Variants in IMMP2L observed in about 807,000 individuals in gnomAD.
The protein encoded by IMMP2L is inner mitochondrial membrane peptidase subunit 2.
A neutral mutation model predicts 19.3 loss-of-function variants in IMMP2L; 18 were observed. The observed-to-expected ratio is 0.93, with a 90% confidence interval of 0.64 to 1.38. The LOEUF is 1.38. Ranked by LOEUF, IMMP2L falls within the 40% of genes most tolerant of loss-of-function variation. IMMP2L has a pLI of 0.00. For missense variants in IMMP2L, 233 were observed against 218.2 expected (o/e 1.07, Z -0.43); for synonymous variants, 76 against 73.0 (o/e 1.04, Z -0.21).
intron 4 of IMMP2L, among the ~76,000 whole-genome samples, chr7:110,893,983 A>C (rs546752382): frequency 2.7e-4 from 41 of 152,096 alleles, no homozygotes; most frequent in African/African-American, 9.6e-4. Context: ...AGTCCCAGAG[A>C]CCCTACCTTG....
Position 111,308,663 on chromosome 7 carries a change from GA to G in IMMP2L, c.239+178574del, listed in dbSNP as rs545772516. Among the ~76,000 whole-genome samples, 51 of 151,094 alleles carry G rather than the reference GA, an allele frequency of 3.4e-4. 1 individual carries two copies. Among genetic ancestry groups the G allele is most frequent in the Middle Eastern group, 6.8e-3 (2 of 292 alleles). ...AAAGAAAATTACATGGAACAAATGA[GA>G]AAAAAAAGTACCTTTGTCATAAACT... On this transcript the variant is annotated intron_variant, in intron 3 of 5. Coordinates refer to ENST00000405709, the MANE Select transcript of IMMP2L (RefSeq NM_032549.4).
At chr7:111,241,975 T>C (rs966894110) in intron 3 of IMMP2L, among the ~76,000 whole-genome samples, 3 of 152,060 alleles carry the variant, frequency 2.0e-5, no homozygotes, top group Admixed American at 6.6e-5. Flanking sequence ...AAAATATGAT[T>C]CACCTGACCC....
chr7:111,539,250 G>GAA lies in IMMP2L; in HGVS notation c.-2-17803_-2-17802dup, dbSNP rs1421418108. ...AGAAAGAAAGAAAGAAAGAAAGAAA[G>GAA]AAAGAAAGAAAGAAAGAAAGAGAAC... On this transcript the variant is annotated intron_variant, in intron 1 of 5. Coordinates refer to ENST00000405709, the MANE Select transcript of IMMP2L (RefSeq NM_032549.4). 4.5e-4 allele frequency among the ~76,000 whole-genome samples: 65 copies of GAA among 143,746 alleles called. 2 individuals are homozygous for GAA. The highest frequency in any genetic ancestry group is 1.1e-3 in the African/African-American group (44 of 38,354). The allele number at this position is 143,746 out of a possible 152,430, so 94.3% of individuals were successfully genotyped here.
At chr7:111,091,501 C>G (rs187746779) in intron 3 of IMMP2L, 1 of 152,276 alleles carries the variant, frequency 6.6e-6, no homozygotes, top group Admixed American at 6.5e-5. Flanking sequence ...AACTGCTTTT[C>G]AAGGTAAGTT....
At chr7:111,465,468 G>A (rs1342166965) in intron 3 of IMMP2L, among the ~76,000 whole-genome samples, 1 of 148,450 alleles carries the variant, frequency 6.7e-6, no homozygotes, top group Non-Finnish European at 1.5e-5. Flanking sequence ...TTGGGGATGG[G>A]GAGGGGTAGT....
At chr7:111,468,153 A>C (rs1172811596) in intron 3 of IMMP2L, among the ~76,000 whole-genome samples, 1 of 152,126 alleles carries the variant, frequency 6.6e-6, no homozygotes, top group Non-Finnish European at 1.5e-5. Context: ...CAGGGGATCT[A>C]TTGTTTTCTT....
intron 1 of IMMP2L, among the ~76,000 whole-genome samples, chr7:111,550,661 A>G (rs1435795930): frequency 6.6e-6 from 1 of 152,174 alleles, no homozygotes; most frequent in African/African-American, 2.4e-5. Flanking sequence ...GGCAATCTTA[A>G]TCTTCTCCTA....
intron 3 of IMMP2L, among the ~76,000 whole-genome samples, chr7:111,146,247 GGGGAGGAAA>G (rs1208005590): frequency 6.7e-6 from 1 of 149,514 alleles, no homozygotes; most frequent in Admixed American, 6.7e-5. Flanking sequence ...GGGGGAGGGA[GGGGAGGAAA>G]GGGAGGAAGG....
intron 3 of IMMP2L, among the ~76,000 whole-genome samples, chr7:111,240,620 A>G (rs1814896576): frequency 6.6e-6 from 1 of 151,964 alleles, no homozygotes; most frequent in African/African-American, 2.4e-5. Context: ...TGTATCTACG[A>G]CAGTCCCATT....
At chr7:111,061,961 C>T (rs1012846431) in intron 3 of IMMP2L, among the ~76,000 whole-genome samples, 2 of 152,150 alleles carry the variant, frequency 1.3e-5, no homozygotes, top group Non-Finnish European at 2.9e-5. Flanking sequence ...AGTGCTCTCC[C>T]GCCACCACAA....
intron 1 of IMMP2L, among the ~76,000 whole-genome samples, chr7:111,541,194 C>T (rs560655836): frequency 3.3e-5 from 5 of 152,232 alleles, no homozygotes; most frequent in African/African-American, 9.6e-5. Context: ...ACTAAAATTA[C>T]TTATCTTCCA....
intron 3 of IMMP2L, among the ~76,000 whole-genome samples, chr7:111,214,331 CTTTTTTTT>C (rs1169450523): frequency 6.1e-5 from 5 of 82,194 alleles, no homozygotes; most frequent in Admixed American, 2.8e-4. Context: ...AATTTTTCTT[CTTTTTTTT>C]TTTTTTTTTT....
chr7:111,292,981 G>A (rs565566070), intron 3 of IMMP2L, among the ~76,000 whole-genome samples: 62 of 152,026 alleles, frequency 4.1e-4, no homozygotes, highest in African/African-American at 1.4e-3. Flanking sequence ...ATGAAAGGCT[G>A]GTCAAAATAA....
chr7:111,417,846 C>T (rs1835100797), intron 3 of IMMP2L, among the ~76,000 whole-genome samples: 1 of 151,796 alleles, frequency 6.6e-6, no homozygotes, highest in Admixed American at 6.6e-5. Context: ...ATGGGACTCA[C>T]AATGAAATAG....
At chr7:111,163,471 C>T (rs560870923) in intron 3 of IMMP2L, among the ~76,000 whole-genome samples, 1 of 152,066 alleles carries the variant, frequency 6.6e-6, no homozygotes, top group South Asian at 2.1e-4. Context: ...CTTTGTTTAT[C>T]CTTGACACTC....
At chr7:111,515,596 TC>T (rs35330489) in intron 2 of IMMP2L, among the ~76,000 whole-genome samples, 2 of 152,302 alleles carry the variant, frequency 1.3e-5, no homozygotes, top group African/African-American at 4.8e-5. Context: ...TTCCCTTGCT[TC>T]CCTGCAAGTT....
At chr7:111,264,457 AAT>A (rs1014689724) in intron 3 of IMMP2L, among the ~76,000 whole-genome samples, 3 of 152,112 alleles carry the variant, frequency 2.0e-5, no homozygotes, top group Non-Finnish European at 2.9e-5. Flanking sequence ...CCTTTTGGCA[AAT>A]ATATCTCTGA....
At chr7:111,475,776 C>T (rs1286291758) in intron 3 of IMMP2L, among the ~76,000 whole-genome samples, 3 of 152,098 alleles carry the variant, frequency 2.0e-5, no homozygotes. Context: ...TTCTGTAAAA[C>T]GTCTACCTGC....
chr7:110,680,000 G>C (rs766130994), intron 5 of IMMP2L, among the ~76,000 whole-genome samples: 2 of 152,126 alleles, frequency 1.3e-5, no homozygotes, highest in Non-Finnish European at 2.9e-5. Context: ...ATAGGGTCTA[G>C]TACAGGACAC....
Sources: allele counts gnomAD v4.1 joint callset (sites outside exome capture counted in the v4.1 genomes callset), GRCh38; gene constraint gnomAD v4.1.1; transcripts MANE v1.5; gene names NCBI Gene and HGNC (gene_info 2026-07-23, HGNC 2026-07-21).